The following SLC9A9 variants were observed in gnomAD, a reference collection of about 807,000 sequenced individuals.
SLC9A9 encodes the protein solute carrier family 9 member A9.
A neutral mutation model predicts 77.8 loss-of-function variants in SLC9A9; 62 were observed. The observed-to-expected ratio is 0.80, with a 90% confidence interval of 0.65 to 0.98. The LOEUF (loss-of-function observed/expected upper bound fraction) is 0.98. Among genes scored for constraint, SLC9A9 ranks in the 50% least tolerant of loss-of-function variants. The pLI is 0.00. For missense variants in SLC9A9, 775 were observed against 774.9 expected (o/e 1.00, Z 0.00); for synonymous variants, 320 against 283.5 (o/e 1.13, Z -1.29).
chr3:143,348,065 G>A (rs1469781797), intron 14 of SLC9A9, among the ~76,000 whole-genome samples: 1 of 150,816 alleles, frequency 6.6e-6, no homozygotes, highest in Non-Finnish European at 1.5e-5. Context: ...CCAGGCTGGA[G>A]TGCAGTGGTA....
At chr3:143,589,711 G>T (rs6806933) in intron 6 of SLC9A9, among the ~76,000 whole-genome samples, 14,468 of 152,160 alleles carry the variant, frequency 0.095, 1,248 homozygotes, top group African/African-American at 0.23. Context: ...ATTGTTCTCA[G>T]TTCAGAGATA....
intron 13 of SLC9A9, among the ~76,000 whole-genome samples, chr3:143,369,690 G>A (rs548836471): frequency 6.6e-6 from 1 of 152,108 alleles, no homozygotes; most frequent in African/African-American, 2.4e-5. Context: ...AAAAGATGGG[G>A]CCTAATTTCT....
At chr3:143,833,992 A>G (rs761681443) in intron 1 of SLC9A9, among the ~76,000 whole-genome samples, 1 of 152,210 alleles carries the variant, frequency 6.6e-6, no homozygotes, top group African/African-American at 2.4e-5. Flanking sequence ...CCCAATGGTA[A>G]TGTAGAACTA....
intron 12 of SLC9A9, among the ~76,000 whole-genome samples, chr3:143,438,585 T>C (rs1231086325): frequency 1.3e-5 from 2 of 152,188 alleles, no homozygotes; most frequent in Non-Finnish European, 2.9e-5. Context: ...AAAACACAGA[T>C]GCCCTATCCC....
intron 2 of SLC9A9, among the ~76,000 whole-genome samples, chr3:143,815,771 C>T (rs370575700): frequency 2.6e-4 from 39 of 152,144 alleles, no homozygotes; most frequent in African/African-American, 9.4e-4. Flanking sequence ...GAGGCTGAGA[C>T]AGGAGAATCG....
chr3:143,267,070 G>A, intron 15 of SLC9A9, 141 bp from the exon 16 acceptor site: 1 of 768,368 alleles, frequency 1.3e-6, no homozygotes, highest in South Asian at 1.6e-5. Context: ...TGATGTTTCT[G>A]CTGCAGGCAT....
At chr3:143,350,136 AACCC>A (rs2032408652) in intron 14 of SLC9A9, among the ~76,000 whole-genome samples, 1 of 152,150 alleles carries the variant, frequency 6.6e-6, no homozygotes. Context: ...TGAGGGCTGG[AACCC>A]CACAGTCACC....
chr3:143,521,440 T>C (rs996017), intron 9 of SLC9A9, among the ~76,000 whole-genome samples: 15,513 of 152,202 alleles, frequency 0.1, 1,431 homozygotes, highest in East Asian at 0.43. Flanking sequence ...CTTTTCTTCA[T>C]GTATAATTCA....
chr3:143,711,577 AAATTTTTT>A (rs1488365763), intron 4 of SLC9A9, among the ~76,000 whole-genome samples: 2 of 138,732 alleles, frequency 1.4e-5, no homozygotes, highest in African/African-American at 2.9e-5. Flanking sequence ...TTTAAAAAAA[AAATTTTTT>A]TTTTTTTTTT....
chr3:143,437,927 T>A (rs1471994683), intron 12 of SLC9A9, among the ~76,000 whole-genome samples: 2 of 152,216 alleles, frequency 1.3e-5, no homozygotes. Flanking sequence ...CTCTCTCATA[T>A]GGTCACTAGA....
intron 9 of SLC9A9, among the ~76,000 whole-genome samples, chr3:143,536,969 G>C (rs909911579): frequency 3.3e-5 from 5 of 152,064 alleles, no homozygotes; most frequent in Non-Finnish European, 5.9e-5. Context: ...AATTGCATCA[G>C]AATCTCTGGG....
At chr3:143,806,206 A>G (rs1242978318) in intron 2 of SLC9A9, among the ~76,000 whole-genome samples, 1 of 151,560 alleles carries the variant, frequency 6.6e-6, no homozygotes, top group Admixed American at 6.6e-5. Flanking sequence ...CTAATTTACA[A>G]TTTTCTTCCC....
chr3:143,328,437 A>C (rs370651122), intron 14 of SLC9A9, among the ~76,000 whole-genome samples: 141 of 152,366 alleles, frequency 9.3e-4, no homozygotes, highest in African/African-American at 3.2e-3. Context: ...ACACAGCAAC[A>C]GTGAACCATA....
At chr3:143,328,445 A>C (rs1418013809) in intron 14 of SLC9A9, among the ~76,000 whole-genome samples, 2 of 152,248 alleles carry the variant, frequency 1.3e-5, no homozygotes, top group Admixed American at 1.3e-4. Context: ...ACAGTGAACC[A>C]TAAAGAGGCA....
chr3:143,519,699 T>G (rs1423730212), intron 9 of SLC9A9, among the ~76,000 whole-genome samples: 1 of 152,102 alleles, frequency 6.6e-6, no homozygotes, highest in African/African-American at 2.4e-5. Context: ...AAGATGTTAG[T>G]GGCCTGGACC....
At chr3:143,743,245 A>ATGGATGGATGGATG (rs1560059080) in intron 4 of SLC9A9, among the ~76,000 whole-genome samples, 4 of 62,600 alleles carry the variant, frequency 6.4e-5, no homozygotes, top group African/African-American at 2.0e-4. Flanking sequence ...ATGGATGGAT[A>ATGGATGGATGGATG]GATAGATAGA....
chr3:143,561,171 A>T (rs1359613863), intron 8 of SLC9A9, among the ~76,000 whole-genome samples: 1 of 152,194 alleles, frequency 6.6e-6, no homozygotes, highest in Non-Finnish European at 1.5e-5. Context: ...ATAAGAGTGA[A>T]ACTCCATCTC....
chr3:143,435,119 C>A (rs1367741175), intron 12 of SLC9A9, among the ~76,000 whole-genome samples: 1 of 151,996 alleles, frequency 6.6e-6, no homozygotes, highest in East Asian at 1.9e-4. Context: ...AGTATTTATC[C>A]TTCTCAATTT....
intron 4 of SLC9A9, among the ~76,000 whole-genome samples, chr3:143,730,458 C>A (rs1322509436): frequency 2.0e-5 from 3 of 152,180 alleles, no homozygotes; most frequent in Non-Finnish European, 4.4e-5. Flanking sequence ...TTTCTTTACT[C>A]TCCTCTTTGC....
Sources: allele counts gnomAD v4.1 joint callset (sites outside exome capture counted in the v4.1 genomes callset), GRCh38; gene constraint gnomAD v4.1.1; transcripts MANE v1.5; gene names NCBI Gene and HGNC (gene_info 2026-07-23, HGNC 2026-07-21).